Variants in TMEFF2 observed in about 807,000 individuals in gnomAD.
TMEFF2 encodes the protein transmembrane protein with EGF like and two follistatin like domains 2.
Under a neutral mutation model 53.8 loss-of-function variants are expected in TMEFF2, and 28 were observed. The ratio of observed to expected loss-of-function variants is 0.52; its 90% CI spans 0.39 to 0.71. The LOEUF (loss-of-function observed/expected upper bound fraction) is 0.71. Ranked by LOEUF, TMEFF2 falls within the 30% of genes least tolerant of loss-of-function variation. The probability of loss-of-function intolerance (pLI) is 0.00; values close to 1 mark genes in which losing one functional copy is unlikely to be tolerated. For synonymous variants in TMEFF2, 162 were observed against 166.3 expected (o/e 0.97, Z 0.20); for missense variants, 353 against 455.2 (o/e 0.78, Z 2.04).
At chr2:192,038,922 A>T (rs1191932903) in intron 5 of TMEFF2, among the ~76,000 whole-genome samples, 1 of 152,182 alleles carries the variant, frequency 6.6e-6, no homozygotes, top group Admixed American at 6.5e-5. Flanking sequence ...CTTCTAGCCA[A>T]TGTTATAGGC....
intron 7 of TMEFF2, among the ~76,000 whole-genome samples, chr2:191,964,355 TC>T (rs1692380494): frequency 9.5e-6 from 1 of 104,726 alleles, no homozygotes; most frequent in South Asian, 3.3e-4. Context: ...TTTCTTTCTT[TC>T]TTTCTTTCTT....
chr2:191,953,470 C>A (rs1379640026), intron 9 of TMEFF2, among the ~76,000 whole-genome samples: 1 of 152,130 alleles, frequency 6.6e-6, no homozygotes, highest in Non-Finnish European at 1.5e-5. Context: ...TATCATCAGG[C>A]AAAATTAAGG....
intron 5 of TMEFF2, among the ~76,000 whole-genome samples, chr2:192,001,818 C>G (rs1233343460): frequency 1.3e-5 from 2 of 152,134 alleles, no homozygotes; most frequent in Non-Finnish European, 2.9e-5. Context: ...GTCCATTAAA[C>G]CTCTTTCTTT....
chr2:192,171,826 A>G (rs147711209), intron 4 of TMEFF2, among the ~76,000 whole-genome samples: 1 of 151,968 alleles, frequency 6.6e-6, no homozygotes, highest in Admixed American at 6.6e-5. Context: ...TCATTACCAT[A>G]TGACAATCTG....
At chr2:192,070,770 T>C (rs1688276453) in intron 4 of TMEFF2, among the ~76,000 whole-genome samples, 1 of 151,876 alleles carries the variant, frequency 6.6e-6, no homozygotes, top group Non-Finnish European at 1.5e-5. Flanking sequence ...TAACCACATG[T>C]CCAGATGGTT....
intron 5 of TMEFF2, among the ~76,000 whole-genome samples, chr2:192,051,463 G>A (rs897009852): frequency 6.6e-6 from 1 of 152,074 alleles, no homozygotes; most frequent in East Asian, 1.9e-4. Context: ...ACAATACAAA[G>A]ATTGCAGTTT....
intron 8 of TMEFF2, among the ~76,000 whole-genome samples, chr2:191,954,432 T>C (rs1386305981): frequency 6.6e-6 from 1 of 152,036 alleles, no homozygotes; most frequent in Non-Finnish European, 1.5e-5. Flanking sequence ...AGATAATACA[T>C]GTCCAGGAAT....
intron 4 of TMEFF2, among the ~76,000 whole-genome samples, chr2:192,121,097 A>AAAAAC (rs1261540969): frequency 7.2e-6 from 1 of 139,114 alleles, no homozygotes; most frequent in African/African-American, 2.5e-5. Flanking sequence ...AGAGAAGAGG[A>AAAAAC]AAAACAAAAC....
intron 4 of TMEFF2, among the ~76,000 whole-genome samples, chr2:192,107,973 T>C (rs1036304577): frequency 1.1e-4 from 17 of 151,674 alleles, no homozygotes; most frequent in Non-Finnish European, 1.5e-4. Flanking sequence ...AGAAAACAGA[T>C]AATTTCTGTC....
intron 4 of TMEFF2, among the ~76,000 whole-genome samples, chr2:192,113,916 T>A (rs1689340273): frequency 6.6e-6 from 1 of 152,138 alleles, no homozygotes; most frequent in South Asian, 2.1e-4. Context: ...TTGCTAACAG[T>A]AGCACAGGGA....
chr2:192,158,580 TA>T (rs956318619), intron 4 of TMEFF2, among the ~76,000 whole-genome samples: 2 of 152,284 alleles, frequency 1.3e-5, no homozygotes, highest in African/African-American at 4.8e-5. Context: ...TTACACTGAC[TA>T]CTGAAAATTA....
At chr2:192,152,318 T>C (rs1261565906) in intron 4 of TMEFF2, among the ~76,000 whole-genome samples, 2 of 151,842 alleles carry the variant, frequency 1.3e-5, no homozygotes, top group Admixed American at 6.6e-5. Flanking sequence ...ATCTATATGG[T>C]TTTCAATTCA....
At chr2:192,105,978 G>T (rs917689796) in intron 4 of TMEFF2, among the ~76,000 whole-genome samples, 4 of 151,798 alleles carry the variant, frequency 2.6e-5, no homozygotes, top group African/African-American at 9.7e-5. Flanking sequence ...TGTTATTAGT[G>T]AATATCAATA....
rs1164370414 is a variant in TMEFF2 at position 191,949,735 on chromosome 2, G to GT, written c.*575_*576insA. On this transcript the variant is annotated 3_prime_UTR_variant, in exon 10 of 10. Coordinates refer to ENST00000272771, the MANE Select transcript of TMEFF2 (RefSeq NM_016192.4). ...ATGCCAGAGATTTTTCTGCTCTAGG[G>GT]ATGAAAATGGAAGACCAGGGAAGAA... The GT allele has an allele frequency of 1.0e-6, 1 of 985,226 alleles. No individual in the cohort carries two copies. Among genetic ancestry groups the GT allele is most frequent in the African/African-American group, 1.7e-5 (1 of 57,214 alleles). 61.0% of individuals were successfully genotyped at this position (985,226 alleles called of 1,614,324 possible).
intron 5 of TMEFF2, among the ~76,000 whole-genome samples, chr2:192,044,965 T>G (rs1385658670): frequency 6.6e-6 from 1 of 152,088 alleles, no homozygotes; most frequent in Admixed American, 6.5e-5. Context: ...TTGTATGAGA[T>G]TAGGTCAAAT....
chr2:192,132,375 G>C (rs936223694), intron 4 of TMEFF2, among the ~76,000 whole-genome samples: 2 of 151,908 alleles, frequency 1.3e-5, no homozygotes, highest in Non-Finnish European at 2.9e-5. Context: ...TTCATGGCTC[G>C]TTCGGCAGCA....
At chr2:191,976,299 T>A (rs1373396456) in intron 7 of TMEFF2, among the ~76,000 whole-genome samples, 1 of 152,138 alleles carries the variant, frequency 6.6e-6, no homozygotes, top group Non-Finnish European at 1.5e-5. Flanking sequence ...CATGAGAGGA[T>A]CCATATAAAA....
intron 4 of TMEFF2, among the ~76,000 whole-genome samples, chr2:192,108,920 CA>C (rs1689213122): frequency 6.6e-6 from 1 of 151,826 alleles, no homozygotes; most frequent in African/African-American, 2.4e-5. Flanking sequence ...ACATGCCAAG[CA>C]AAATAAGCCA....
At chr2:191,967,717 T>C (rs758365042) in intron 7 of TMEFF2, among the ~76,000 whole-genome samples, 3 of 152,162 alleles carry the variant, frequency 2.0e-5, no homozygotes, top group Non-Finnish European at 4.4e-5. Flanking sequence ...CTTCCCCTGA[T>C]AACTGTCCTA....
Sources: gnomAD v4.1 joint callset for allele counts (sites outside exome capture counted in the v4.1 genomes callset) on GRCh38, gnomAD v4.1.1 for gene constraint, MANE v1.5 for transcripts, NCBI Gene and HGNC (gene_info 2026-07-23, HGNC 2026-07-21) for gene names.